Variants in B3GLCT observed in about 807,000 individuals in gnomAD.
B3GLCT encodes the protein beta-1,3-glucosyltransferase.
B3GLCT carries 65 observed loss-of-function variants against 63.4 expected under a neutral mutation model. That is an observed-to-expected ratio of 1.03 (90% confidence interval 0.84 to 1.26). The LOEUF is 1.26. Among genes scored for constraint, B3GLCT ranks in the 50% most tolerant of loss-of-function variants. B3GLCT has a pLI of 0.00. For synonymous variants in B3GLCT, 233 were observed against 219.2 expected, an observed-to-expected ratio of 1.06 and a Z score of -0.55; for missense variants, 577 against 604.8, an observed-to-expected ratio of 0.95 and a Z score of 0.48.
intron 9 of B3GLCT, 61 bp from the exon 10 acceptor site, chr13:31,276,641 T>A: frequency 1.0e-6 from 1 of 998,614 alleles, no homozygotes; most frequent in Non-Finnish European, 1.6e-6. Context: ...TGAGATCTAG[T>A]GTGGGTGTGA....
At chr13:31,211,725 G>A (rs965790320) in intron 1 of B3GLCT, among the ~76,000 whole-genome samples, 6 of 151,936 alleles carry the variant, frequency 3.9e-5, no homozygotes, top group Non-Finnish European at 7.4e-5. Context: ...CAGAATTTAT[G>A]GAATTTATTT....
At chr13:31,261,471 A>G (rs76014608) in intron 7 of B3GLCT, among the ~76,000 whole-genome samples, 8,661 of 152,262 alleles carry the variant, frequency 0.057, 267 homozygotes, top group African/African-American at 0.08. Context: ...GCTGGGGTTG[A>G]GAGTTGATGA....
At chr13:31,267,586 A>C (rs532451327) in intron 7 of B3GLCT, among the ~76,000 whole-genome samples, 1 of 152,356 alleles carries the variant, frequency 6.6e-6, no homozygotes, top group South Asian at 2.1e-4. Context: ...ATCTGTGGGC[A>C]AGTATTGAGT....
chr13:31,301,821 G>C (rs972652280), intron 12 of B3GLCT, among the ~76,000 whole-genome samples: 2 of 152,188 alleles, frequency 1.3e-5, no homozygotes, highest in Admixed American at 1.3e-4. Context: ...AGATCAGCCA[G>C]GGGTCCCTTT....
At chr13:31,219,503 CCTTGTGA>C (rs1327719110) in intron 2 of B3GLCT, among the ~76,000 whole-genome samples, 2 of 152,112 alleles carry the variant, frequency 1.3e-5, no homozygotes, top group African/African-American at 4.8e-5. Flanking sequence ...CACTCAAAGT[CCTTGTGA>C]CTTTGAGCTC....
At chr13:31,227,614 T>C (rs1870164736) in intron 3 of B3GLCT, among the ~76,000 whole-genome samples, 1 of 152,242 alleles carries the variant, frequency 6.6e-6, no homozygotes, top group African/African-American at 2.4e-5. Context: ...GTTCAGCATT[T>C]CCTTTTACAT....
chr13:31,316,726 A>G (rs1593317752), intron 12 of B3GLCT, among the ~76,000 whole-genome samples: 1 of 152,112 alleles, frequency 6.6e-6, no homozygotes, highest in East Asian at 2.0e-4. Context: ...ACATAGAAAA[A>G]ATAGGCTTTC....
At chr13:31,286,292 G>A (rs753012511) in intron 11 of B3GLCT, among the ~76,000 whole-genome samples, 12 of 152,176 alleles carry the variant, frequency 7.9e-5, no homozygotes, top group Non-Finnish European at 1.0e-4. Flanking sequence ...ATAAGCTTCC[G>A]CCTTTGCACT....
chr13:31,231,405 T>C (rs1254973382), intron 4 of B3GLCT, among the ~76,000 whole-genome samples: 1 of 152,190 alleles, frequency 6.6e-6, no homozygotes, highest in African/African-American at 2.4e-5. Flanking sequence ...ACCTTTCTTT[T>C]TGCAGATACA....
At chr13:31,254,825 G>A (rs1238819562) in intron 6 of B3GLCT, among the ~76,000 whole-genome samples, 1 of 152,116 alleles carries the variant, frequency 6.6e-6, no homozygotes, top group African/African-American at 2.4e-5. Context: ...GCCGAGGTGG[G>A]TGGATCACAA....
At chr13:31,208,369 C>T (rs1267226681) in intron 1 of B3GLCT, among the ~76,000 whole-genome samples, 2 of 152,138 alleles carry the variant, frequency 1.3e-5, no homozygotes, top group Admixed American at 6.5e-5. Flanking sequence ...CCTTGGCTTC[C>T]GTTCTGGTGC....
intron 8 of B3GLCT, among the ~76,000 whole-genome samples, chr13:31,272,916 A>G (rs927575806): frequency 6.6e-6 from 1 of 152,020 alleles, no homozygotes; most frequent in Non-Finnish European, 1.5e-5. Context: ...ATTCCTCCTG[A>G]AGTGTATATC....
At chr13:31,205,033 A>G (rs1332690656) in intron 1 of B3GLCT, among the ~76,000 whole-genome samples, 2 of 152,158 alleles carry the variant, frequency 1.3e-5, no homozygotes, top group African/African-American at 4.8e-5. Flanking sequence ...TACTTACACA[A>G]TTTTTTGAAA....
At chr13:31,278,190 T>A (rs1872888311) in intron 10 of B3GLCT, among the ~76,000 whole-genome samples, 1 of 152,118 alleles carries the variant, frequency 6.6e-6, no homozygotes, top group African/African-American at 2.4e-5. Context: ...ACTTTTTCTT[T>A]GAAACACATT....
At chr13:31,269,175 C>A (rs1444509939) in intron 7 of B3GLCT, 39 bp from the exon 8 acceptor site, 27 of 1,430,182 alleles carry the variant, frequency 1.9e-5, no homozygotes, top group Non-Finnish European at 2.4e-5. Flanking sequence ...CTTGACACTT[C>A]TTTTGGTTAA....
intron 14 of B3GLCT, among the ~76,000 whole-genome samples, chr13:31,324,795 C>T (rs767487089): frequency 4.6e-5 from 7 of 152,118 alleles, no homozygotes; most frequent in African/African-American, 1.7e-4. Flanking sequence ...GACTTGATCT[C>T]GTGGGTTCAA....
chr13:31,323,604 G>A, intron 13 of B3GLCT, 147 bp from the exon 14 acceptor site: 2 of 861,126 alleles, frequency 2.3e-6, no homozygotes, highest in Non-Finnish European at 1.9e-6. Context: ...AGAACAGGTA[G>A]GGTTTTACCT....
At chr13:31,298,253 A>G (rs1019070816) in intron 12 of B3GLCT, among the ~76,000 whole-genome samples, 6 of 152,208 alleles carry the variant, frequency 3.9e-5, no homozygotes, top group Non-Finnish European at 4.4e-5. Flanking sequence ...AACCAAATAT[A>G]TATTTCATAA....
rs753993963 is a variant in B3GLCT, at chr13:31,222,948, A to G, written c.121-4A>G. On this transcript the variant is annotated splice_polypyrimidine_tract_variant and splice_region_variant and intron_variant, in intron 2 of 14. Coordinates refer to ENST00000343307, the MANE Select transcript of B3GLCT (RefSeq NM_194318.4). ...CATCTTTTTCTCTTTCATTTAAAAT[A>G]CAGGATTTGGAGAAAAGTGGTATAT... 24 of 1,513,086 alleles carry G rather than the reference A, an allele frequency of 1.6e-5. No homozygotes were observed. Among genetic ancestry groups the G allele is most frequent in the Non-Finnish European group, 2.1e-5 (23 of 1,088,862 alleles). The allele number at this position is 1,513,086 out of a possible 1,614,324, so 93.7% of individuals were successfully genotyped here. A position where few individuals can be genotyped will look rare whatever the true frequency, so the allele number is the denominator to read the frequency against.
Sources: allele counts gnomAD v4.1 joint callset (sites outside exome capture counted in the v4.1 genomes callset), GRCh38; gene constraint gnomAD v4.1.1; transcripts MANE v1.5; gene names NCBI Gene and HGNC (gene_info 2026-07-23, HGNC 2026-07-21).